CUX1: variants seen among roughly 807,000 people sequenced by gnomAD.
The protein encoded by CUX1 is protein CASP.
CUX1 carries 31 observed loss-of-function variants against 158.8 expected under a neutral mutation model. The ratio of observed to expected loss-of-function variants is 0.20; its 90% CI spans 0.15 to 0.26. The LOEUF is 0.26. Among genes scored for constraint, CUX1 ranks in the 10% least tolerant of loss-of-function variants. The probability of loss-of-function intolerance (pLI) is 1.00; values close to 1 mark genes in which losing one functional copy is unlikely to be tolerated. For synonymous variants in CUX1, 879 were observed against 862.1 expected (o/e 1.02, Z -0.34); for missense variants, 1,589 against 2,014.6 (o/e 0.79, Z 4.04).
intron 9 of CUX1, among the ~76,000 whole-genome samples, chr7:102,168,110 T>C (rs1271475106): frequency 1.3e-5 from 2 of 151,420 alleles, no homozygotes; most frequent in African/African-American, 4.9e-5. Flanking sequence ...AACCAGTTGA[T>C]TAATTAGCAT....
chr7:102,259,299 A>G (rs887917541), downstream of CUX1, among the ~76,000 whole-genome samples: 2 of 152,294 alleles, frequency 1.3e-5, no homozygotes, highest in East Asian at 3.9e-4. Context: ...ATAAAACCCT[A>G]AGAGCTGGCC....
intron 3 of CUX1, among the ~76,000 whole-genome samples, chr7:102,047,376 A>T (rs1037228690): frequency 6.6e-6 from 1 of 151,414 alleles, no homozygotes; most frequent in Admixed American, 6.6e-5. Flanking sequence ...TGGATGGATG[A>T]TTGGATAGAA....
intron 2 of CUX1, among the ~76,000 whole-genome samples, chr7:102,012,281 G>C (rs897533953): frequency 6.6e-6 from 1 of 151,938 alleles, no homozygotes. Context: ...TCCGCCTCCC[G>C]GGTTGAAGCA....
chr7:101,886,630 G>GT (rs930757959), intron 1 of CUX1, among the ~76,000 whole-genome samples: 8 of 152,130 alleles, frequency 5.3e-5, no homozygotes, highest in Non-Finnish European at 1.2e-4. Flanking sequence ...AAGGCTTAGG[G>GT]TCCCCTGCGA....
chr7:102,023,796 G>C (rs1040551751), intron 2 of CUX1, among the ~76,000 whole-genome samples: 1 of 152,200 alleles, frequency 6.6e-6, no homozygotes, highest in African/African-American at 2.4e-5. Flanking sequence ...TATGATACGT[G>C]TGAGTATGTA....
chr7:102,135,607 A>C (rs1407853990), intron 8 of CUX1, among the ~76,000 whole-genome samples: 2 of 152,018 alleles, frequency 1.3e-5, no homozygotes, highest in Non-Finnish European at 2.9e-5. Context: ...ACACACAAAA[A>C]ATAATATATA....
intron 4 of CUX1, among the ~76,000 whole-genome samples, chr7:102,087,167 A>C (rs1554480768): frequency 6.6e-6 from 1 of 151,848 alleles, no homozygotes; most frequent in East Asian, 1.9e-4. Context: ...TACTTTTTCT[A>C]TTTGTCTTGC....
rs968876952 is a variant in CUX1 at position 101,916,439 on chromosome 7, A to G, written c.141+214A>G. 2.2e-6 allele frequency: 1 copy of G among 452,510 alleles called. No homozygotes were observed. The highest frequency in any genetic ancestry group is 4.1e-6 in the Non-Finnish European group (1 of 241,402). 28.0% of individuals were successfully genotyped at this position (452,510 alleles called of 1,614,324 possible). ...GTGGAAATTGATAGGTTGTCTGGAA[A>G]TATGAAAGTCAGAGCCAATTCCAGG... On this transcript the variant is annotated intron_variant, in intron 2 of 23. Coordinates refer to ENST00000292535, the MANE Select transcript of CUX1 (RefSeq NM_181552.4). This position sits in a 1 kb window ranked among gnomAD's most constrained non-coding sequence, Gnocchi z 4.4.
intron 1 of CUX1, among the ~76,000 whole-genome samples, chr7:101,905,019 A>G (rs1802601661): frequency 6.6e-6 from 1 of 152,130 alleles, no homozygotes; most frequent in South Asian, 2.1e-4. Flanking sequence ...TGAAGTATGT[A>G]TCAGAGGGTG....
Position 102,257,663 on chromosome 7 carries a change from A to G in CUX1, c.*8621A>G, listed in dbSNP as rs1320363308. ...TACTAACAGCACAAGACGCACTCACAGGGTGGCGGAATCTTCCGGAAAACT... is the reference window on the plus strand; with the variant it reads ...TACTAACAGCACAAGACGCACTCACGGGGTGGCGGAATCTTCCGGAAAACT... On this transcript the variant is annotated 3_prime_UTR_variant, in exon 24 of 24. Transcript: ENST00000292535. 33 of 985,442 alleles carry G rather than the reference A, an allele frequency of 3.3e-5. No homozygotes were observed. Among genetic ancestry groups the G allele is most frequent in the Non-Finnish European group, 3.9e-5 (32 of 829,936 alleles). 61.0% of individuals were successfully genotyped at this position (985,442 alleles called of 1,614,324 possible). A position where few individuals can be genotyped will look rare whatever the true frequency, so the allele number is the denominator to read the frequency against.
Position 102,066,397 on chromosome 7 carries a change from G to A in CUX1, c.190-3942G>A, listed in dbSNP as rs1204290716. 1.3e-5 allele frequency among the ~76,000 whole-genome samples: 2 copies of A among 152,072 alleles called. 1 individual carries two copies. The highest frequency in any genetic ancestry group is 1.3e-4 in the Admixed American group (2 of 15,260). On this transcript the variant is annotated intron_variant, in intron 3 of 23. Transcript: ENST00000292535. Reference sequence around the variant, plus strand: ...ATAAGGTCACCTTCACAGGTATTGGGGGTCAGGACTTCATCATCTTTCAAG... The same window carrying A: ...ATAAGGTCACCTTCACAGGTATTGGAGGTCAGGACTTCATCATCTTTCAAG...
intron 20 of CUX1, among the ~76,000 whole-genome samples, chr7:102,206,290 C>T (rs368664672): frequency 7.9e-5 from 12 of 152,268 alleles, no homozygotes; most frequent in Admixed American, 2.6e-4. Flanking sequence ...ATCTCACCCG[C>T]GCCGTGGGTC....
intron 11 of CUX1, among the ~76,000 whole-genome samples, chr7:102,183,964 C>A (rs1056187977): frequency 6.6e-6 from 1 of 152,152 alleles, no homozygotes; most frequent in African/African-American, 2.4e-5. Flanking sequence ...GTGGCACCAT[C>A]ATAGCTCACT....
Position 101,963,419 on chromosome 7 carries a change from GCTGCACCCAGCAGTTC to G in CUX1, c.141+47195_141+47210del, listed in dbSNP as rs1329597769. ...AGGCAGGCGTGGCTCCCGTCCCCGG[GCTGCACCCAGCAGTTC>G]ATCCCGGATCCAGGCCTCTGCCTTC... On this transcript the variant is annotated intron_variant, in intron 2 of 23. Transcript: ENST00000292535. Among the ~76,000 whole-genome samples, 12 of 152,278 alleles carry G rather than the reference GCTGCACCCAGCAGTTC, an allele frequency of 7.9e-5. No individual in the cohort carries two copies. The East Asian group carries it at 2.3e-3, about 29-fold the overall frequency.
Position 102,256,458 on chromosome 7 carries a change from C to T in CUX1, c.*7416C>T. The stretch of plus-strand genomic sequence containing the variant: ...AGTGGTTACTATCCTCTGCCTTCCT[C>T]TCCTCCCCTACTCCCCCAGAGAACC... On this transcript the variant is annotated 3_prime_UTR_variant, in exon 24 of 24. Coordinates refer to ENST00000292535, the MANE Select transcript of CUX1 (RefSeq NM_181552.4). The T allele has an allele frequency of 1.0e-6, 1 of 985,438 alleles. No homozygotes were observed. The highest frequency in any genetic ancestry group is 1.2e-6 in the Non-Finnish European group (1 of 829,944). 61.0% of individuals were successfully genotyped at this position (985,438 alleles called of 1,614,324 possible).
At position 102,253,502 on chromosome 7, in the gene CUX1, T is replaced by A; in HGVS notation, c.*4460T>A. ...TGACTTTGTTCCTCCTGCATGCATGTCCTTTGATGCAAGGGTGATCAATGA... is the reference window on the plus strand; with the variant it reads ...TGACTTTGTTCCTCCTGCATGCATGACCTTTGATGCAAGGGTGATCAATGA... On this transcript the variant is annotated 3_prime_UTR_variant, in exon 24 of 24. Coordinates refer to ENST00000292535, the MANE Select transcript of CUX1 (RefSeq NM_181552.4). 1 of 985,380 alleles carries A rather than the reference T, an allele frequency of 1.0e-6. No homozygotes were observed. The allele number at this position is 985,380 out of a possible 1,614,324, so 61.0% of individuals were successfully genotyped here.
Position 102,251,292 on chromosome 7 carries a change from TC to T in CUX1, c.*2252del, listed in dbSNP as rs1801480608. The T allele has an allele frequency of 1.0e-6, 1 of 985,266 alleles. No individual in the cohort carries two copies. The highest frequency in any genetic ancestry group is 1.7e-5 in the African/African-American group (1 of 57,212). The allele number at this position is 985,266 out of a possible 1,614,324, so 61.0% of individuals were successfully genotyped here. On this transcript the variant is annotated 3_prime_UTR_variant, in exon 24 of 24. Coordinates refer to ENST00000292535, the MANE Select transcript of CUX1 (RefSeq NM_181552.4). ...AATTTTAAAGGTATGCTCTGGCTGTTCCACCTCCGTGTGCTTGTTAATTAAC... is the reference window on the plus strand; with the variant it reads ...AATTTTAAAGGTATGCTCTGGCTGTTCACCTCCGTGTGCTTGTTAATTAAC...
At chr7:102,221,212 T>C (rs1487224832) in intron 20 of CUX1, among the ~76,000 whole-genome samples, 1 of 152,270 alleles carries the variant, frequency 6.6e-6, no homozygotes, top group Non-Finnish European at 1.5e-5. Flanking sequence ...AGTTAAATAA[T>C]GTTTGGGTTC....
At chr7:102,280,795 C>T in intron 19 of CUX1, 1 of 1,612,894 alleles carries the variant, frequency 6.2e-7, no homozygotes, top group South Asian at 1.1e-5. Context: ...ACTGTCCCTC[C>T]CTGTGCAGGA....
Sources: allele counts gnomAD v4.1 joint callset (sites outside exome capture counted in the v4.1 genomes callset), GRCh38; gene constraint gnomAD v4.1.1; non-coding constraint Gnocchi (gnomAD v3.1); transcripts MANE v1.5; gene names NCBI Gene and HGNC (gene_info 2026-07-23, HGNC 2026-07-21).